The following MLLT1 variants were observed in gnomAD, a reference collection of about 807,000 sequenced individuals.
MLLT1 encodes MLLT1 super elongation complex subunit.
In MLLT1, 11 loss-of-function variants were observed where a neutral mutation model predicts 55.1. That is an observed-to-expected ratio of 0.20 (90% confidence interval 0.13 to 0.33). MLLT1 has a LOEUF of 0.33. MLLT1 is among the 10% of genes least tolerant of loss of function. The pLI is 1.00. For missense variants in MLLT1, 536 were observed against 760.6 expected (o/e 0.70, Z 3.47); for synonymous variants, 323 against 320.1 (o/e 1.01, Z -0.10).
Position 6,212,786 on chromosome 19 carries a change from A to C in MLLT1, c.*256T>G. ...TCTGCCCAGAGCTGCCTTCAACACC[A>C]GCCGCTCTCTGAGGGGAGCCCAGAG... On this transcript the variant is annotated 3_prime_UTR_variant, in exon 12 of 12. Transcript: ENST00000252674. 2 of 937,398 alleles carry C rather than the reference A, an allele frequency of 2.1e-6. No individual in the cohort carries two copies. The highest frequency in any genetic ancestry group is 2.8e-6 in the Non-Finnish European group (2 of 702,698). 58.1% of individuals were successfully genotyped at this position (937,398 alleles called of 1,614,324 possible). A position where few individuals can be genotyped will look rare whatever the true frequency, so the allele number is the denominator to read the frequency against.
rs1776442733 is a variant in MLLT1, at chr19:6,210,956, G to C, written c.*2086C>G. Reference sequence around the variant, plus strand: ...TGGGTTGGTGCTTCCGGAGGCCTTGGAAACGGCAGGAAGGGCCAGACGCCA... The same window carrying C: ...TGGGTTGGTGCTTCCGGAGGCCTTGCAAACGGCAGGAAGGGCCAGACGCCA... On this transcript the variant is annotated 3_prime_UTR_variant, in exon 12 of 12. Coordinates refer to ENST00000252674, the MANE Select transcript of MLLT1 (RefSeq NM_005934.4). The surrounding 1 kb of genome is among the most constrained non-coding windows in gnomAD (Gnocchi z 4.6). 1 of 231,278 alleles carries C rather than the reference G, an allele frequency of 4.3e-6. No individual in the cohort carries two copies. The highest frequency in any genetic ancestry group is 8.6e-6 in the Non-Finnish European group (1 of 116,890). 14.3% of individuals were successfully genotyped at this position (231,278 alleles called of 1,614,324 possible).
At chr19:6,258,724 A>G (rs73920625) in intron 3 of MLLT1, among the ~76,000 whole-genome samples, 1 of 152,358 alleles carries the variant, frequency 6.6e-6, no homozygotes, top group African/African-American at 2.4e-5. Flanking sequence ...TTATACAAGA[A>G]TAGAGCTGTC....
intron 5 of MLLT1, among the ~76,000 whole-genome samples, chr19:6,225,736 T>C (rs559656149): frequency 3.1e-4 from 47 of 152,164 alleles, no homozygotes; most frequent in African/African-American, 9.9e-4. Context: ...CGGCAAAAGA[T>C]ACCACCAGCA....
chr19:6,266,937 G>A (rs1045153116), intron 2 of MLLT1, among the ~76,000 whole-genome samples: 1 of 152,108 alleles, frequency 6.6e-6, no homozygotes, highest in African/African-American at 2.4e-5. Context: ...GGAAGGCACA[G>A]AGAACCAGCA....
intron 3 of MLLT1, among the ~76,000 whole-genome samples, chr19:6,243,076 G>C (rs1371707458): frequency 1.3e-5 from 2 of 152,264 alleles, no homozygotes; most frequent in African/African-American, 4.8e-5. Context: ...TCCAGCTGCT[G>C]ATCTTGGCTA....
In MLLT1 at chr19:6,211,780, G is replaced by A. The variant is rs372861915; in HGVS notation, c.*1262C>T. 76 of 1,064,072 alleles carry A rather than the reference G, an allele frequency of 7.1e-5. No homozygotes were observed. The highest frequency in any genetic ancestry group is 8.2e-5 in the Non-Finnish European group (72 of 878,520). 65.9% of individuals were successfully genotyped at this position (1,064,072 alleles called of 1,614,324 possible). A position where few individuals can be genotyped will look rare whatever the true frequency, so the allele number is the denominator to read the frequency against. On this transcript the variant is annotated 3_prime_UTR_variant, in exon 12 of 12. Transcript: ENST00000252674. The surrounding 1 kb of genome is among the most constrained non-coding windows in gnomAD (Gnocchi z 4.6). ...CACGATGGGCTGGCTCCGCGGGAGC[G>A]TCCTGGCCCTGGAAGAGTGGGCCGG...
chr19:6,224,314 GCCCCCAGAATC>G (rs1197658643), intron 5 of MLLT1, among the ~76,000 whole-genome samples: 1 of 152,264 alleles, frequency 6.6e-6, no homozygotes, highest in Non-Finnish European at 1.5e-5. Flanking sequence ...CAGCGGGAGT[GCCCCCAGAATC>G]CCCCCAGCTG....
intron 3 of MLLT1, among the ~76,000 whole-genome samples, chr19:6,251,361 C>A (rs1412064338): frequency 6.6e-6 from 1 of 152,154 alleles, no homozygotes; most frequent in Non-Finnish European, 1.5e-5. Flanking sequence ...GGCTAGCCCC[C>A]TCTGGAATGA....
chr19:6,221,802 G>A (rs1349634753), intron 6 of MLLT1, among the ~76,000 whole-genome samples: 2 of 152,228 alleles, frequency 1.3e-5, no homozygotes, highest in South Asian at 2.1e-4. Flanking sequence ...GCCAAGACCC[G>A]GGCCCATGCA....
chr19:6,250,883 G>A (rs140680647), intron 3 of MLLT1, among the ~76,000 whole-genome samples: 2 of 152,338 alleles, frequency 1.3e-5, no homozygotes, highest in Non-Finnish European at 1.5e-5. Flanking sequence ...GTGTGGGACA[G>A]CCATACAGCA....
In MLLT1 at chr19:6,270,108, T is replaced by C. The variant is rs139484270; in HGVS notation, c.193+471A>G. Among the ~76,000 whole-genome samples, 606 of 151,804 alleles carry C rather than the reference T, an allele frequency of 4.0e-3. 7 individuals carry two copies. The highest frequency in any genetic ancestry group is 0.014 in the African/African-American group (590 of 41,396). On this transcript the variant is annotated intron_variant, in intron 2 of 11. Transcript: ENST00000252674. This position sits in a 1 kb window ranked among gnomAD's most constrained non-coding sequence, Gnocchi z 7.1. Reference sequence around the variant, plus strand: ...TGGAGACGCTGACAGAATACACGACTGAGGCACTCGTGCTGAATCAATGAC... The same window carrying C: ...TGGAGACGCTGACAGAATACACGACCGAGGCACTCGTGCTGAATCAATGAC...
At chr19:6,224,915 G>C (rs2090940228) in intron 5 of MLLT1, among the ~76,000 whole-genome samples, 1 of 152,154 alleles carries the variant, frequency 6.6e-6, no homozygotes, top group Non-Finnish European at 1.5e-5. Flanking sequence ...ATTTTTAGTA[G>C]AGACGGGGTT....
intron 7 of MLLT1, among the ~76,000 whole-genome samples, chr19:6,217,237 C>T (rs566452697): frequency 2.4e-4 from 36 of 152,174 alleles, no homozygotes; most frequent in African/African-American, 8.2e-4. Context: ...AGACTCCCTC[C>T]ACAACCCCGC....
intron 2 of MLLT1, among the ~76,000 whole-genome samples, chr19:6,268,934 G>T (rs568898641): frequency 4.6e-5 from 7 of 152,324 alleles, no homozygotes; most frequent in South Asian, 4.1e-4. Flanking sequence ...TGTCAACGTG[G>T]TGGGGAACAA....
chr19:6,268,517 G>A (rs1333582154), intron 2 of MLLT1, among the ~76,000 whole-genome samples: 3 of 152,196 alleles, frequency 2.0e-5, no homozygotes, highest in Non-Finnish European at 2.9e-5. Flanking sequence ...TACCCTATTT[G>A]ATTTGTGATA....
rs535378052 is a variant in MLLT1, at chr19:6,219,248, C to G, written c.1111-1207G>C. 6.6e-6 allele frequency among the ~76,000 whole-genome samples: 1 copy of G among 152,202 alleles called. No homozygotes were observed. The highest frequency in any genetic ancestry group is 2.4e-5 in the African/African-American group (1 of 41,458). On this transcript the variant is annotated intron_variant, in intron 6 of 11. Coordinates refer to ENST00000252674, the MANE Select transcript of MLLT1 (RefSeq NM_005934.4). This position sits in a 1 kb window ranked among gnomAD's most constrained non-coding sequence, Gnocchi z 4.5. ...GTTTACTGCAGCCCAACCCAGCCCC[C>G]TCCTGCCCCTCAAACCAGCCCCTGC...
At chr19:6,242,441 G>A (rs538928910) in intron 3 of MLLT1, among the ~76,000 whole-genome samples, 1 of 152,312 alleles carries the variant, frequency 6.6e-6, no homozygotes, top group Admixed American at 6.5e-5. Context: ...TCTGCGTGTG[G>A]GAGGCCACGG....
rs768564211 is a variant in MLLT1, at chr19:6,217,947, T to C, written c.1198+7A>G. 4 of 1,599,598 alleles carry C rather than the reference T, an allele frequency of 2.5e-6. No homozygotes were observed. The highest frequency in any genetic ancestry group is 2.3e-5 in the East Asian group (1 of 44,014). ...ATCCGTGCCCCCCAGCTGCTCTCCA[T>C]ACACACCTTGGCTGTGGTTCTGGGA... On this transcript the variant is annotated splice_region_variant and intron_variant, in intron 7 of 11. Coordinates refer to ENST00000252674, the MANE Select transcript of MLLT1 (RefSeq NM_005934.4).
chr19:6,274,376 AC>A lies in MLLT1; in HGVS notation c.13-3618del, dbSNP rs34396727. Among the ~76,000 whole-genome samples the A allele has an allele frequency of 2.0e-5, 3 of 152,074 alleles. No individual in the cohort carries two copies. The South Asian group carries it at 6.2e-4, about 32-fold the overall frequency. On this transcript the variant is annotated intron_variant, in intron 1 of 11. Transcript: ENST00000252674. The stretch of plus-strand genomic sequence containing the variant: ...GCCAATTCCATAGCCAAGGGTAACC[AC>A]CCCCCTTCCCCCACACCACCTGGAC...
Sources: allele counts gnomAD v4.1 joint callset (sites outside exome capture counted in the v4.1 genomes callset), GRCh38; gene constraint gnomAD v4.1.1; non-coding constraint Gnocchi (gnomAD v3.1); transcripts MANE v1.5; gene names NCBI Gene and HGNC (gene_info 2026-07-23, HGNC 2026-07-21).